The following C16orf87 variants were observed in gnomAD, a reference collection of about 807,000 sequenced individuals.
C16orf87 encodes the protein UPF0547 protein C16orf87.
In C16orf87, 13 loss-of-function variants were observed where a neutral mutation model predicts 21.0. The observed-to-expected ratio is 0.62, with a 90% CI of 0.40 to 0.98. C16orf87 has a LOEUF of 0.98. C16orf87 is among the 50% of genes least tolerant of loss of function. The pLI, the probability that C16orf87 is intolerant of heterozygous loss-of-function variation, is 0.00. For synonymous variants in C16orf87, 49 were observed against 60.2 expected (o/e 0.81, Z 0.86); for missense variants, 113 against 180.4 (o/e 0.63, Z 2.14).
intron 2 of C16orf87, among the ~76,000 whole-genome samples, chr16:46,811,719 C>T (rs1215596724): frequency 6.6e-6 from 1 of 152,182 alleles, no homozygotes; most frequent in East Asian, 1.9e-4. Context: ...ACAGGTGATG[C>T]CATTTCTTCA....
intron 2 of C16orf87, among the ~76,000 whole-genome samples, chr16:46,812,840 A>C (rs1968134129): frequency 6.6e-6 from 1 of 152,210 alleles, no homozygotes; most frequent in Non-Finnish European, 1.5e-5. Flanking sequence ...ACCTGTTACC[A>C]AATCTTAATA....
chr16:46,808,490 C>A (rs2143069012), intron 3 of C16orf87, among the ~76,000 whole-genome samples: 1 of 152,240 alleles, frequency 6.6e-6, no homozygotes, highest in East Asian at 1.9e-4. Context: ...GTATCTAAGA[C>A]AGAACGTCTG....
At chr16:46,829,542 C>G (rs1429793195) in intron 1 of C16orf87, among the ~76,000 whole-genome samples, 1 of 152,012 alleles carries the variant, frequency 6.6e-6, no homozygotes, top group Non-Finnish European at 1.5e-5. Flanking sequence ...TAACGCATAC[C>G]ATGTAAACCT....
At chr16:46,822,022 C>G (rs1596823254) in intron 2 of C16orf87, among the ~76,000 whole-genome samples, 1 of 152,296 alleles carries the variant, frequency 6.6e-6, no homozygotes, top group East Asian at 1.9e-4. Flanking sequence ...AACTTAACAA[C>G]TCATTAACAC....
intron 2 of C16orf87, among the ~76,000 whole-genome samples, chr16:46,816,595 T>G (rs1243429968): frequency 6.6e-6 from 1 of 151,764 alleles, no homozygotes; most frequent in Non-Finnish European, 1.5e-5. Context: ...TAAAGAAAAA[T>G]AAAGGAAAGA....
chr16:46,810,544 G>A (rs1431801881), intron 2 of C16orf87, among the ~76,000 whole-genome samples: 1 of 151,870 alleles, frequency 6.6e-6, no homozygotes, highest in Non-Finnish European at 1.5e-5. Context: ...GCAAGAAAGA[G>A]AATTCCCCAA....
At chr16:46,817,916 CAAAAAAAAAAAAA>C (rs1056745014) in intron 2 of C16orf87, among the ~76,000 whole-genome samples, 1 of 68,294 alleles carries the variant, frequency 1.5e-5, no homozygotes, top group Non-Finnish European at 2.6e-5. Context: ...CATCAAAAAG[CAAAAAAAAAAAAA>C]AAAAAAAAAA....
chr16:46,803,548 A>G (rs750610914), intron 3 of C16orf87, among the ~76,000 whole-genome samples: 1 of 152,198 alleles, frequency 6.6e-6, no homozygotes, highest in Non-Finnish European at 1.5e-5. Flanking sequence ...AAAGAAAATA[A>G]AAATCACTCG....
At chr16:46,812,114 T>A (rs988301609) in intron 2 of C16orf87, among the ~76,000 whole-genome samples, 7 of 152,036 alleles carry the variant, frequency 4.6e-5, no homozygotes, top group Admixed American at 2.6e-4. Context: ...CATGGTGGTG[T>A]GCGCCTGTAG....
At chr16:46,806,014 G>A (rs1838392732) in intron 3 of C16orf87, among the ~76,000 whole-genome samples, 2 of 152,074 alleles carry the variant, frequency 1.3e-5, no homozygotes, top group South Asian at 4.1e-4. Flanking sequence ...TTTTTCAAAG[G>A]ATAAACCTGG....
chr16:46,827,945 C>CTT (rs938057640), intron 1 of C16orf87, among the ~76,000 whole-genome samples: 2 of 134,720 alleles, frequency 1.5e-5, no homozygotes, highest in African/African-American at 2.7e-5. Context: ...GATTTTTTTA[C>CTT]TTTTTTTTTT....
intron 1 of C16orf87, among the ~76,000 whole-genome samples, chr16:46,828,650 C>T (rs1351056307): frequency 3.9e-5 from 6 of 152,112 alleles, no homozygotes; most frequent in African/African-American, 1.4e-4. Flanking sequence ...ACTTACACAC[C>T]CACATAAGTA....
intron 2 of C16orf87, among the ~76,000 whole-genome samples, chr16:46,819,139 A>G (rs1959309329): frequency 6.6e-6 from 1 of 152,232 alleles, no homozygotes; most frequent in East Asian, 1.9e-4. Context: ...TTCATTTTCA[A>G]TAAATCCCTT....
At position 46,808,394 on chromosome 16, in the gene C16orf87, C is replaced by T. The variant is rs191401495; in HGVS notation, c.346+1209G>A. ...TAGTAACTTTATTCAAATAAAAGCA[C>T]ATAAAGCAGAGAGAAATAGCAAACT... On this transcript the variant is annotated intron_variant, in intron 3 of 3. Coordinates refer to ENST00000285697, the MANE Select transcript of C16orf87 (RefSeq NM_001001436.4). Among the ~76,000 whole-genome samples, 3 of 152,268 alleles carry T rather than the reference C, an allele frequency of 2.0e-5. No individual in the cohort carries two copies. The East Asian group carries it at 5.8e-4, about 29-fold the overall frequency.
At chr16:46,807,144 T>C (rs1967954479) in intron 3 of C16orf87, among the ~76,000 whole-genome samples, 3 of 152,218 alleles carry the variant, frequency 2.0e-5, no homozygotes, top group Admixed American at 1.3e-4. Context: ...ACAACAAAGA[T>C]TGGCAAACTA....
Position 46,800,933 on chromosome 16 carries a change from C to G in C16orf87, c.*2019G>C, listed in dbSNP as rs1049964928. The G allele has an allele frequency of 1.3e-5, 2 of 152,132 alleles. No individual in the cohort carries two copies. The highest frequency in any genetic ancestry group is 4.8e-5 in the African/African-American group (2 of 41,430). 9.4% of individuals were successfully genotyped at this position (152,132 alleles called of 1,614,324 possible). ...TACTTTTCTATACGGCAAGCTCCAG[C>G]CCAGCCACCAGTACCTCCTTTACCA... is the stretch of plus-strand genomic sequence containing the variant. On this transcript the variant is annotated 3_prime_UTR_variant, in exon 4 of 4. Coordinates refer to ENST00000285697, the MANE Select transcript of C16orf87 (RefSeq NM_001001436.4).
chr16:46,815,377 GAA>G (rs71134503), intron 2 of C16orf87, among the ~76,000 whole-genome samples: 3 of 119,036 alleles, frequency 2.5e-5, no homozygotes, highest in Admixed American at 8.4e-5. Context: ...AGCAATGAAA[GAA>G]AAAAAAAAAA....
chr16:46,815,951 C>T (rs1431087548), intron 2 of C16orf87, among the ~76,000 whole-genome samples: 4 of 152,164 alleles, frequency 2.6e-5, no homozygotes, highest in African/African-American at 9.7e-5. Flanking sequence ...GTATACCATG[C>T]AGCATTATTC....
chr16:46,811,682 G>A (rs1005486169), intron 2 of C16orf87, among the ~76,000 whole-genome samples: 1 of 152,056 alleles, frequency 6.6e-6, no homozygotes, highest in Non-Finnish European at 1.5e-5. Flanking sequence ...GTGACACCAT[G>A]GGGATACAAA....
Sources: gnomAD v4.1 joint callset for allele counts (sites outside exome capture counted in the v4.1 genomes callset) on GRCh38, gnomAD v4.1.1 for gene constraint, MANE v1.5 for transcripts, NCBI Gene and HGNC (gene_info 2026-07-23, HGNC 2026-07-21) for gene names.